The following MTTP variants were observed in gnomAD, a reference collection of about 807,000 sequenced individuals.
MTTP encodes microsomal triglyceride transfer protein large subunit.
MTTP carries 49 observed loss-of-function variants against 90.6 expected under a neutral mutation model. The ratio of observed to expected loss-of-function variants is 0.54; its 90% CI spans 0.43 to 0.69. MTTP has a LOEUF of 0.69. Among genes scored for constraint, MTTP ranks in the 30% least tolerant of loss-of-function variants. MTTP has a pLI of 0.00. For missense variants in MTTP, 945 were observed against 1,067.5 expected (o/e 0.89, Z 1.60); for synonymous variants, 347 against 384.2 (o/e 0.90, Z 1.13).
intron 15 of MTTP, among the ~76,000 whole-genome samples, chr4:99,614,765 G>A (rs530412710): frequency 6.6e-6 from 1 of 152,276 alleles, no homozygotes; most frequent in African/African-American, 2.4e-5. Context: ...TTCAAGAATT[G>A]TTTGGAATCC....
intron 14 of MTTP, among the ~76,000 whole-genome samples, chr4:99,612,426 T>C (rs78675287): frequency 1.1e-3 from 166 of 151,684 alleles, no homozygotes; most frequent in African/African-American, 3.9e-3. Context: ...GAGTCATGGC[T>C]TAGAGAATAC....
In MTTP at chr4:99,623,202, C is replaced by A; in HGVS notation, c.*354C>A. On this transcript the variant is annotated 3_prime_UTR_variant, in exon 18 of 18. Transcript: ENST00000265517. ...CAAGGAGAACCCAATTTTGTTTCAA[C>A]AATTTTTGATCAATGTATATGAAGC... The A allele has an allele frequency of 3.3e-6, 1 of 306,200 alleles. No individual in the cohort carries two copies. Among genetic ancestry groups the A allele is most frequent in the Non-Finnish European group, 6.3e-6 (1 of 159,904 alleles). The allele number at this position is 306,200 out of a possible 1,614,324, so 19.0% of individuals were successfully genotyped here.
intron 1 of MTTP, among the ~76,000 whole-genome samples, chr4:99,575,430 A>T (rs1211709451): frequency 2.0e-5 from 3 of 152,192 alleles, no homozygotes; most frequent in Non-Finnish European, 2.9e-5. Flanking sequence ...AAGGCATTTG[A>T]TTTGCCAAAG....
At chr4:99,564,268 C>G in intron 1 of MTTP, 1 of 1,526,240 alleles carries the variant, frequency 6.6e-7, no homozygotes. Flanking sequence ...TTAAGATAGT[C>G]CCACTGTTAA....
intron 1 of MTTP, among the ~76,000 whole-genome samples, chr4:99,578,947 C>A (rs905750967): frequency 6.6e-6 from 1 of 152,092 alleles, no homozygotes; most frequent in Non-Finnish European, 1.5e-5. Context: ...GCCTCCTGAC[C>A]GAAATATTTT....
intron 4 of MTTP, among the ~76,000 whole-genome samples, chr4:99,590,470 G>A (rs1468876447): frequency 1.3e-5 from 2 of 152,074 alleles, no homozygotes; most frequent in African/African-American, 4.8e-5. Context: ...TACCAACACT[G>A]TTCATTTTGC....
In MTTP at chr4:99,606,803, A is replaced by G; in HGVS notation, c.1400A>G (p.Lys467Arg). 1 of 1,614,080 alleles carries G rather than the reference A, an allele frequency of 6.2e-7. No homozygotes were observed. The highest frequency in any genetic ancestry group is 8.5e-7 in the Non-Finnish European group (1 of 1,180,010). ...ILGGLEKAEK[K>R]EDTRMYLLAL... The stretch of plus-strand genomic sequence containing the variant: ...GGAGGACTTGAAAAAGCAGAGAAAA[A>G]AGAGGACACCAGGATGTATCTGCTG... Residue 467 changes from lysine to arginine, a missense_variant, in exon 11 of 18, where the codon AAA (lysine) becomes AGA (arginine). Transcript: ENST00000265517.
intron 3 of MTTP, among the ~76,000 whole-genome samples, chr4:99,586,118 C>T (rs1042615214): frequency 6.6e-6 from 1 of 152,272 alleles, no homozygotes; most frequent in South Asian, 2.1e-4. Flanking sequence ...CTCCCCCTGT[C>T]TCCCTTTCCC....
At chr4:99,617,297 C>G (rs35824615) in intron 15 of MTTP, among the ~76,000 whole-genome samples, 10,634 of 152,242 alleles carry the variant, frequency 0.07, 610 homozygotes, top group African/African-American at 0.15. Flanking sequence ...GAGCATGGCA[C>G]TGAGAATCTC....
At chr4:99,595,007 G>C in intron 7 of MTTP, 124 bp downstream of exon 7, 1 of 1,140,996 alleles carries the variant, frequency 8.8e-7, no homozygotes, top group Non-Finnish European at 1.3e-6. Flanking sequence ...CCACAGAGTT[G>C]TGATGACAGC....
intron 9 of MTTP, among the ~76,000 whole-genome samples, chr4:99,601,277 G>GC (rs1160623974): frequency 5.5e-5 from 8 of 145,212 alleles, no homozygotes; most frequent in Non-Finnish European, 1.2e-4. Flanking sequence ...AAGTGATGAG[G>GC]CCCCTTTTTA....
chr4:99,571,713 G>A (rs1335162305), upstream of MTTP, among the ~76,000 whole-genome samples: 1 of 151,674 alleles, frequency 6.6e-6, no homozygotes, highest in African/African-American at 2.4e-5. Context: ...TCAAAATATT[G>A]TATGTATTCC....
chr4:99,609,427 AG>A (rs1306038699), intron 12 of MTTP, among the ~76,000 whole-genome samples: 2 of 152,304 alleles, frequency 1.3e-5, no homozygotes, highest in Non-Finnish European at 2.9e-5. Flanking sequence ...CCACATTTCA[AG>A]GTGATTCAAA....
chr4:99,583,341 T>G, intron 2 of MTTP, 33 bp from the exon 3 acceptor site: 1 of 1,609,472 alleles, frequency 6.2e-7, no homozygotes, highest in Non-Finnish European at 8.5e-7. Flanking sequence ...ATATAGGAAG[T>G]TTTTTTTAAC....
chr4:99,581,517 C>T (rs762442874), intron 1 of MTTP, among the ~76,000 whole-genome samples: 8 of 152,070 alleles, frequency 5.3e-5, no homozygotes, highest in Admixed American at 6.6e-5. Flanking sequence ...TTAAATAATA[C>T]GTTAATTACG....
chr4:99,612,883 C>T lies in MTTP; in HGVS notation c.1990-30C>T, dbSNP rs745762212. 2.5e-5 allele frequency: 40 copies of T among 1,583,282 alleles called. 1 individual carries two copies. Among genetic ancestry groups the T allele is most frequent in the Admixed American group, 1.7e-4 (10 of 59,948 alleles). On this transcript the variant is annotated intron_variant, in intron 14 of 17. Transcript: ENST00000265517. ...ATTTACAGAGCAGGCAGGGAGCTTGCGTCATGAACATTATATTGATTTTAT... is the reference window on the plus strand; with the variant it reads ...ATTTACAGAGCAGGCAGGGAGCTTGTGTCATGAACATTATATTGATTTTAT...
In MTTP at chr4:99,611,384, T is replaced by C. The variant is rs1725951370; in HGVS notation, c.1920T>C (p.Ser640=). 5 of 1,614,094 alleles carry C rather than the reference T, an allele frequency of 3.1e-6. No homozygotes were observed. The highest frequency in any genetic ancestry group is 4.2e-6 in the Non-Finnish European group (5 of 1,179,934). ...TYSLDILYSG[S]GILRRSNLNI... ...GCCTAGACATTCTCTACTCGGGTTC[T>C]GGCATTCTAAGGAGAAGTAACCTGA... Residue 640 remains serine (S), a synonymous_variant, in exon 14 of 18, where the codon TCT becomes TCC. Transcript: ENST00000265517.
chr4:99,593,439 ATG>A (rs2110219788), intron 6 of MTTP, among the ~76,000 whole-genome samples: 1 of 152,276 alleles, frequency 6.6e-6, no homozygotes, highest in East Asian at 1.9e-4. Context: ...TAGTGAAGAG[ATG>A]TGACAAAATT....
Position 99,574,853 on chromosome 4 carries a change from C to T in MTTP, c.-57C>T. ...CCTCACTGGCTGCCATTGAAAGAGT[C>T]CACTTCTCAGTGACTCCTAGCTGGG... On this transcript the variant is annotated 5_prime_UTR_variant, in exon 1 of 18. Coordinates refer to ENST00000265517, the MANE Select transcript of MTTP (RefSeq NM_001386140.1). 1 of 1,613,996 alleles carries T rather than the reference C, an allele frequency of 6.2e-7. No individual in the cohort carries two copies. Among genetic ancestry groups the T allele is most frequent in the Non-Finnish European group, 8.5e-7 (1 of 1,179,920 alleles).
Sources: gnomAD v4.1 joint callset for allele counts (sites outside exome capture counted in the v4.1 genomes callset) on GRCh38, gnomAD v4.1.1 for gene constraint, MANE v1.5 for transcripts, NCBI Gene and HGNC (gene_info 2026-07-23, HGNC 2026-07-21) for gene names.